KCNQ5: variants seen among roughly 807,000 people sequenced by gnomAD.
KCNQ5 encodes potassium voltage-gated channel subfamily Q member 5.
In KCNQ5, 30 loss-of-function variants were observed where a neutral mutation model predicts 98.2. That is an observed-to-expected ratio of 0.31 (90% CI 0.23 to 0.41). The LOEUF is 0.41. Among genes scored for constraint, KCNQ5 ranks in the 10% least tolerant of loss-of-function variants. The pLI, the probability that KCNQ5 is intolerant of heterozygous loss-of-function variation, is 1.00. For missense variants in KCNQ5, 835 were observed against 1,182.5 expected (o/e 0.71, Z 4.31); for synonymous variants, 458 against 449.4 (o/e 1.02, Z -0.24).
chr6:72,780,873 T>G (rs11960994), intron 1 of KCNQ5, among the ~76,000 whole-genome samples: 89,189 of 152,010 alleles, frequency 0.59, 26,208 homozygotes, highest in Admixed American at 0.64. Context: ...AGTGATTTTC[T>G]TAGATTCAGC....
At chr6:72,956,489 C>CTTTTT (rs35114790) in intron 1 of KCNQ5, among the ~76,000 whole-genome samples, 1 of 112,010 alleles carries the variant, frequency 8.9e-6, no homozygotes, top group Non-Finnish European at 1.9e-5. Context: ...TTTCTTTTTT[C>CTTTTT]TTTTTTTTTT....
At chr6:72,757,915 T>C (rs1382005019) in intron 1 of KCNQ5, among the ~76,000 whole-genome samples, 1 of 151,992 alleles carries the variant, frequency 6.6e-6, no homozygotes, top group Non-Finnish European at 1.5e-5. Context: ...AGTATTTGAG[T>C]CAGAGTGATG....
chr6:72,939,251 G>C (rs1036339899), intron 1 of KCNQ5, among the ~76,000 whole-genome samples: 1 of 152,168 alleles, frequency 6.6e-6, no homozygotes, highest in African/African-American at 2.4e-5. Context: ...GGGCTCCCGG[G>C]TCATCACAAA....
intron 1 of KCNQ5, among the ~76,000 whole-genome samples, chr6:72,878,410 A>T (rs1778505824): frequency 6.9e-6 from 1 of 145,098 alleles, no homozygotes; most frequent in African/African-American, 2.5e-5. Flanking sequence ...GATTGTCACA[A>T]CCCCAGGAGG....
intron 1 of KCNQ5, among the ~76,000 whole-genome samples, chr6:72,747,342 T>C (rs1354974332): frequency 6.6e-6 from 1 of 152,230 alleles, no homozygotes. Flanking sequence ...TTTTGATAAC[T>C]ATTTCTATAT....
At chr6:72,733,260 G>A (rs912106495) in intron 1 of KCNQ5, among the ~76,000 whole-genome samples, 1 of 151,966 alleles carries the variant, frequency 6.6e-6, no homozygotes. Context: ...GACAGAGAAG[G>A]AACCAAAAAC....
At position 73,120,579 on chromosome 6, in the gene KCNQ5, T is replaced by C. The variant is rs1365117490; in HGVS notation, c.1220+2T>C. The C allele has an allele frequency of 6.2e-7, 1 of 1,601,232 alleles. No homozygotes were observed. The highest frequency in any genetic ancestry group is 8.5e-7 in the Non-Finnish European group (1 of 1,169,990). The stretch of plus-strand genomic sequence containing the variant: ...CTTGCACACCTGCAGCCCTACCAAG[T>C]AGGTATCAGTGTGACAGCTGCCACT... On this transcript the variant is annotated splice_donor_variant, in intron 8 of 13. Coordinates refer to ENST00000370398, the MANE Select transcript of KCNQ5 (RefSeq NM_019842.4). LOFTEE classifies it high-confidence loss of function.
At position 72,712,036 on chromosome 6, in the gene KCNQ5, T is replaced by G. The variant is rs545683948; in HGVS notation, c.398+89449T>G. On this transcript the variant is annotated intron_variant, in intron 1 of 13. Transcript: ENST00000370398. Reference sequence around the variant, plus strand: ...TAATCAAAATATGCTACAGTTTCAGTTCTCTGTGGACAGGGATTTTATCTG... The same window carrying G: ...TAATCAAAATATGCTACAGTTTCAGGTCTCTGTGGACAGGGATTTTATCTG... 4.6e-5 allele frequency among the ~76,000 whole-genome samples: 7 copies of G among 152,298 alleles called. No individual in the cohort carries two copies. In the South Asian group the frequency reaches 1.5e-3, roughly 32 times the overall value.
intron 1 of KCNQ5, among the ~76,000 whole-genome samples, chr6:72,748,212 A>G (rs549132342): frequency 6.6e-6 from 1 of 152,056 alleles, no homozygotes; most frequent in South Asian, 2.1e-4. Context: ...TTTAATTCCA[A>G]CCTGTTCTTA....
At chr6:72,754,645 A>G (rs1304237961) in intron 1 of KCNQ5, among the ~76,000 whole-genome samples, 1 of 152,108 alleles carries the variant, frequency 6.6e-6, no homozygotes, top group Non-Finnish European at 1.5e-5. Flanking sequence ...TTGATAGTGC[A>G]AGTTCAAGAA....
In KCNQ5 at chr6:72,986,009, T is replaced by G. The variant is rs1316087595; in HGVS notation, c.399-17899T>G. On this transcript the variant is annotated intron_variant, in intron 1 of 13. Coordinates refer to ENST00000370398, the MANE Select transcript of KCNQ5 (RefSeq NM_019842.4). ...ACTTTGGGAGGCCAAGGCAGGTGAA[T>G]CATGAGGTCAGGAGTTCGAGACCAG... Among the ~76,000 whole-genome samples, 3 of 152,018 alleles carry G rather than the reference T, an allele frequency of 2.0e-5. No homozygotes were observed. The East Asian group carries it at 5.8e-4, about 29-fold the overall frequency.
At chr6:72,914,781 G>A (rs901195934) in intron 1 of KCNQ5, among the ~76,000 whole-genome samples, 5 of 151,708 alleles carry the variant, frequency 3.3e-5, no homozygotes, top group African/African-American at 1.2e-4. Flanking sequence ...GGTGGCCATG[G>A]AATTGCCATT....
At chr6:73,138,693 A>G (rs1031285891) in intron 10 of KCNQ5, among the ~76,000 whole-genome samples, 1 of 152,192 alleles carries the variant, frequency 6.6e-6, no homozygotes, top group African/African-American at 2.4e-5. Flanking sequence ...TGGAAGGTAC[A>G]TCCTCATCAG....
intron 1 of KCNQ5, among the ~76,000 whole-genome samples, chr6:72,799,816 A>G (rs1648988596): frequency 6.6e-6 from 1 of 152,176 alleles, no homozygotes; most frequent in South Asian, 2.1e-4. Context: ...AGAGCTTTTT[A>G]TGCACTTTAA....
chr6:72,635,997 C>T (rs1339619511), intron 1 of KCNQ5, among the ~76,000 whole-genome samples: 4 of 152,016 alleles, frequency 2.6e-5, no homozygotes, highest in Middle Eastern at 3.4e-3. Context: ...GCCTTAAAAT[C>T]GCTGAAGTTT....
At chr6:72,684,031 C>G (rs1014163966) in intron 1 of KCNQ5, among the ~76,000 whole-genome samples, 2 of 152,140 alleles carry the variant, frequency 1.3e-5, no homozygotes, top group Non-Finnish European at 2.9e-5. Flanking sequence ...ACACACAGGT[C>G]TTTTGATTTC....
intron 1 of KCNQ5, among the ~76,000 whole-genome samples, chr6:72,705,041 T>G (rs1034779869): frequency 6.6e-6 from 1 of 152,158 alleles, no homozygotes; most frequent in Non-Finnish European, 1.5e-5. Context: ...CTCCAATAAT[T>G]TTTATTCTTT....
intron 1 of KCNQ5, among the ~76,000 whole-genome samples, chr6:72,935,356 C>T (rs1343490992): frequency 1.3e-5 from 2 of 152,134 alleles, no homozygotes; most frequent in Non-Finnish European, 2.9e-5. Context: ...CAGGCGTGAG[C>T]CACCTCAACC....
intron 7 of KCNQ5, among the ~76,000 whole-genome samples, chr6:73,115,847 A>G (rs1582386376): frequency 6.6e-6 from 1 of 152,218 alleles, no homozygotes; most frequent in Non-Finnish European, 1.5e-5. Flanking sequence ...GAGATTCCGC[A>G]CAGGAAAGAG....
Sources: allele counts gnomAD v4.1 joint callset (sites outside exome capture counted in the v4.1 genomes callset), GRCh38; gene constraint gnomAD v4.1.1; transcripts MANE v1.5; gene names NCBI Gene and HGNC (gene_info 2026-07-23, HGNC 2026-07-21).